UBE2E2: variants seen among roughly 807,000 people sequenced by gnomAD.
UBE2E2 encodes ubiquitin conjugating enzyme E2 E2.
UBE2E2 carries 6 observed loss-of-function variants against 24.7 expected under a neutral mutation model. That is an observed-to-expected ratio of 0.24 (90% CI 0.13 to 0.48). The LOEUF (loss-of-function observed/expected upper bound fraction) is 0.48. UBE2E2 is among the 20% of genes least tolerant of loss of function. The pLI is 0.99. For missense variants in UBE2E2, 169 were observed against 245.0 expected (o/e 0.69, Z 2.07); for synonymous variants, 104 against 83.6 (o/e 1.24, Z -1.33).
intron 4 of UBE2E2, among the ~76,000 whole-genome samples, chr3:23,517,050 A>G (rs973266418): frequency 2.6e-5 from 4 of 152,186 alleles, no homozygotes; most frequent in Admixed American, 2.0e-4. Context: ...CCTTTGAAGA[A>G]AGTGCATTCT....
chr3:23,327,982 T>C (rs556556654), intron 3 of UBE2E2, among the ~76,000 whole-genome samples: 2 of 152,328 alleles, frequency 1.3e-5, no homozygotes, highest in South Asian at 2.1e-4. Flanking sequence ...TAAGAACTTA[T>C]GTACTTATTG....
intron 5 of UBE2E2, among the ~76,000 whole-genome samples, chr3:23,571,280 C>CTCTTTTTTTTTTTTTTTTTTTTTTTTTT (rs1696217145): frequency 1.0e-4 from 3 of 29,866 alleles, no homozygotes; most frequent in African/African-American, 2.1e-4. Flanking sequence ...GTGCTCCTTT[C>CTCTTTTTTTTTTTTTTTTTTTTTTTTTT]TTTTTTTTTT....
chr3:23,524,872 AC>A (rs879438177), intron 4 of UBE2E2, among the ~76,000 whole-genome samples: 34 of 148,836 alleles, frequency 2.3e-4, no homozygotes, highest in Middle Eastern at 3.5e-3. Context: ...ACAGACACAC[AC>A]ACACACACAC....
intron 3 of UBE2E2, among the ~76,000 whole-genome samples, chr3:23,272,935 A>C (rs947733089): frequency 4.6e-5 from 7 of 152,170 alleles, no homozygotes; most frequent in African/African-American, 7.2e-5. Context: ...TCAAGCAGTC[A>C]GACAAGTCTT....
At chr3:23,548,042 C>T (rs1394331088) in intron 5 of UBE2E2, among the ~76,000 whole-genome samples, 4 of 152,182 alleles carry the variant, frequency 2.6e-5, no homozygotes, top group African/African-American at 9.7e-5. Flanking sequence ...TCTCCTCTGC[C>T]TGCCTGCAGA....
chr3:23,299,107 T>G (rs1232854351), intron 3 of UBE2E2, among the ~76,000 whole-genome samples: 4 of 152,222 alleles, frequency 2.6e-5, no homozygotes, highest in Admixed American at 2.6e-4. Context: ...TGATGGTAGT[T>G]TGTATTTCTG....
At chr3:23,418,351 C>G (rs1233482486) in intron 3 of UBE2E2, among the ~76,000 whole-genome samples, 1 of 152,096 alleles carries the variant, frequency 6.6e-6, no homozygotes, top group Non-Finnish European at 1.5e-5. Context: ...AACGCAATGC[C>G]CCACCCTCCA....
chr3:23,409,162 A>G (rs1214988982), intron 3 of UBE2E2, among the ~76,000 whole-genome samples: 2 of 152,190 alleles, frequency 1.3e-5, no homozygotes, highest in African/African-American at 4.8e-5. Context: ...CCTTTCTGCC[A>G]TGTGCCTTGG....
At chr3:23,261,429 G>C (rs1697899248) in intron 3 of UBE2E2, among the ~76,000 whole-genome samples, 1 of 152,080 alleles carries the variant, frequency 6.6e-6, no homozygotes, top group African/African-American at 2.4e-5. Flanking sequence ...GCTAACACGT[G>C]TATCACCTTA....
intron 3 of UBE2E2, among the ~76,000 whole-genome samples, chr3:23,298,355 T>C (rs1447039579): frequency 1.3e-5 from 2 of 151,916 alleles, no homozygotes; most frequent in Non-Finnish European, 2.9e-5. Context: ...AGGGCATCCC[T>C]GTCTTGTGCC....
chr3:23,480,374 G>A (rs554878991), intron 3 of UBE2E2, among the ~76,000 whole-genome samples: 1 of 152,198 alleles, frequency 6.6e-6, no homozygotes, highest in South Asian at 2.1e-4. Context: ...TGGGGGCAGG[G>A]AGCTTCCTAG....
At chr3:23,449,645 A>G (rs1698512801) in intron 3 of UBE2E2, among the ~76,000 whole-genome samples, 1 of 152,206 alleles carries the variant, frequency 6.6e-6, no homozygotes, top group African/African-American at 2.4e-5. Flanking sequence ...AATTCTTATG[A>G]CAGTTCTGGT....
intron 3 of UBE2E2, among the ~76,000 whole-genome samples, chr3:23,319,697 C>T (rs1387664286): frequency 1.3e-5 from 2 of 149,370 alleles, no homozygotes; most frequent in Non-Finnish European, 3.0e-5. Context: ...GGCCTATAGT[C>T]CTAGCTACTT....
At chr3:23,509,581 A>G (rs1367006437) in intron 4 of UBE2E2, among the ~76,000 whole-genome samples, 1 of 151,804 alleles carries the variant, frequency 6.6e-6, no homozygotes, top group East Asian at 1.9e-4. Flanking sequence ...TTTAATATAT[A>G]TGTTTTTTTA....
At chr3:23,358,642 G>T (rs982320142) in intron 3 of UBE2E2, among the ~76,000 whole-genome samples, 1 of 152,032 alleles carries the variant, frequency 6.6e-6, no homozygotes, top group Admixed American at 6.6e-5. Flanking sequence ...TTATTATATG[G>T]TTAAAACAAT....
At chr3:23,229,656 C>G (rs1696922886) in intron 3 of UBE2E2, among the ~76,000 whole-genome samples, 1 of 152,234 alleles carries the variant, frequency 6.6e-6, no homozygotes, top group South Asian at 2.1e-4. Context: ...GTTTTGAGGT[C>G]TTGCTTTTCT....
intron 3 of UBE2E2, among the ~76,000 whole-genome samples, chr3:23,384,132 A>G (rs1185178914): frequency 6.6e-6 from 1 of 152,086 alleles, no homozygotes; most frequent in Non-Finnish European, 1.5e-5. Flanking sequence ...AGTGGTTAGA[A>G]CTACAGGCAT....
At chr3:23,342,972 C>T (rs749873572) in intron 3 of UBE2E2, among the ~76,000 whole-genome samples, 2 of 151,902 alleles carry the variant, frequency 1.3e-5, no homozygotes, top group African/African-American at 2.4e-5. Context: ...GTTATTGTTG[C>T]TGTGCTGGAG....
At chr3:23,207,746 G>T (rs1412727573) in intron 1 of UBE2E2, among the ~76,000 whole-genome samples, 1 of 152,146 alleles carries the variant, frequency 6.6e-6, no homozygotes, top group Non-Finnish European at 1.5e-5. Flanking sequence ...CACAGTTGTG[G>T]GACCAAAGGG....
Sources: allele counts gnomAD v4.1 joint callset (sites outside exome capture counted in the v4.1 genomes callset), GRCh38; gene constraint gnomAD v4.1.1; transcripts MANE v1.5; gene names NCBI Gene and HGNC (gene_info 2026-07-23, HGNC 2026-07-21).